Variants in LINGO2 observed in about 807,000 individuals in gnomAD.
LINGO2 encodes the protein leucine rich repeat and Ig domain containing 2.
Under a neutral mutation model 30.6 loss-of-function variants are expected in LINGO2, and 14 were observed. The observed-to-expected ratio is 0.46, with a 90% CI of 0.30 to 0.72. The LOEUF (loss-of-function observed/expected upper bound fraction) is 0.72. Among genes scored for constraint, LINGO2 ranks in the 30% least tolerant of loss-of-function variants. The pLI is 0.07. For missense variants in LINGO2, 729 were observed against 751.7 expected (o/e 0.97, Z 0.35); for synonymous variants, 317 against 288.5 (o/e 1.10, Z -1.00).
At chr9:28,737,194 C>T in the LINGO2 span, among the ~76,000 whole-genome samples, 2 of 152,164 alleles carry the variant, frequency 1.3e-5, no homozygotes, top group African/African-American at 2.4e-5. Context: ...GAGTGAAATA[C>T]TGCAAGATGC....
the LINGO2 span, among the ~76,000 whole-genome samples, chr9:28,798,872 C>T: frequency 6.6e-6 from 1 of 151,924 alleles, no homozygotes; most frequent in Non-Finnish European, 1.5e-5. Flanking sequence ...AATAAGGACA[C>T]ATATGTGAGA....
intron 4 of LINGO2, among the ~76,000 whole-genome samples, chr9:28,042,803 C>T (rs1824254681): frequency 6.6e-6 from 1 of 152,114 alleles, no homozygotes; most frequent in African/African-American, 2.4e-5. Flanking sequence ...CTATTTTCTT[C>T]CTTCTTCCCT....
the LINGO2 span, among the ~76,000 whole-genome samples, chr9:29,055,334 C>T: frequency 6.6e-6 from 1 of 152,074 alleles, no homozygotes; most frequent in Non-Finnish European, 1.5e-5. Flanking sequence ...AGAAAAATGA[C>T]TTAGTTTGTC....
chr9:29,070,578 T>C, the LINGO2 span, among the ~76,000 whole-genome samples: 2 of 152,052 alleles, frequency 1.3e-5, no homozygotes, highest in Non-Finnish European at 2.9e-5. Context: ...TGGTGGAAAG[T>C]GCTACAGACC....
At chr9:28,609,988 A>G (rs1021669125) in intron 1 of LINGO2, among the ~76,000 whole-genome samples, 4 of 152,164 alleles carry the variant, frequency 2.6e-5, no homozygotes, top group Admixed American at 6.5e-5. Flanking sequence ...AGCAAAATGC[A>G]GAATAACATA....
At chr9:29,210,213 A>G in the LINGO2 span, among the ~76,000 whole-genome samples, 8 of 152,162 alleles carry the variant, frequency 5.3e-5, no homozygotes, top group African/African-American at 1.9e-4. Flanking sequence ...TTAGAGAGGA[A>G]AGCATCTTTA....
Position 28,295,310 on chromosome 9 carries a change from C to T in LINGO2, c.-189G>A, listed in dbSNP as rs1587408917. 2 of 152,580 alleles carry T rather than the reference C, an allele frequency of 1.3e-5. No homozygotes were observed. Among genetic ancestry groups the T allele is most frequent in the African/African-American group, 2.4e-5 (1 of 41,426 alleles). The allele number at this position is 152,580 out of a possible 1,614,324, so 9.5% of individuals were successfully genotyped here. On this transcript the variant is annotated 5_prime_UTR_variant, in exon 4 of 6. It removes an upstream start codon present in the reference 5' UTR. Transcript: ENST00000379992. ...GGGTAGTTGATCATGATAATTCCCG[C>T]ATGTCATGGGCAGCAGCATCTCTCA...
intron 4 of LINGO2, among the ~76,000 whole-genome samples, chr9:28,258,049 T>C (rs971326728): frequency 8.6e-5 from 13 of 151,980 alleles, no homozygotes; most frequent in Non-Finnish European, 1.3e-4. Context: ...TTGTCCTCTA[T>C]TTACTTGGAA....
chr9:27,947,315 G>A (rs926063111), downstream of LINGO2, among the ~76,000 whole-genome samples: 2 of 151,986 alleles, frequency 1.3e-5, no homozygotes, highest in Non-Finnish European at 2.9e-5. Flanking sequence ...TTAAAAACTG[G>A]GATGTTTAAC....
the LINGO2 span, among the ~76,000 whole-genome samples, chr9:29,079,085 G>A: frequency 6.6e-6 from 1 of 151,794 alleles, no homozygotes; most frequent in South Asian, 2.1e-4. Flanking sequence ...TAATAAACCA[G>A]TACATGATTC....
At chr9:28,094,780 T>C (rs1826196970) in intron 4 of LINGO2, among the ~76,000 whole-genome samples, 1 of 151,436 alleles carries the variant, frequency 6.6e-6, no homozygotes, top group African/African-American at 2.4e-5. Flanking sequence ...GACTCCTCTG[T>C]ACCATACTTT....
At chr9:28,598,784 T>C (rs1825329808) in intron 1 of LINGO2, 1 of 152,228 alleles carries the variant, frequency 6.6e-6, no homozygotes, top group African/African-American at 2.4e-5. Context: ...TTCTCTCTTT[T>C]AAAATCCAGG....
chr9:28,482,328 A>G (rs1826004497), intron 1 of LINGO2, among the ~76,000 whole-genome samples: 1 of 152,132 alleles, frequency 6.6e-6, no homozygotes, highest in African/African-American at 2.4e-5. Flanking sequence ...AACTGCTGTG[A>G]GATGGTATCT....
chr9:28,633,589 A>G (rs1827104181), intron 1 of LINGO2, among the ~76,000 whole-genome samples: 1 of 152,168 alleles, frequency 6.6e-6, no homozygotes, highest in Admixed American at 6.6e-5. Flanking sequence ...TAATAAGCAA[A>G]CAAACAAACA....
chr9:28,044,301 TATTTTAAATGGTATAC>T (rs1328067745), intron 4 of LINGO2, among the ~76,000 whole-genome samples: 1 of 152,240 alleles, frequency 6.6e-6, no homozygotes, highest in African/African-American at 2.4e-5. Flanking sequence ...CATAAATGGG[TATTTTAAATGGTATAC>T]ATGTTAAAAT....
chr9:28,914,445 A>G, the LINGO2 span, among the ~76,000 whole-genome samples: 29 of 152,324 alleles, frequency 1.9e-4, no homozygotes, highest in South Asian at 5.8e-3. Flanking sequence ...GGATATTTAG[A>G]CCATTTTCTT....
chr9:28,687,182 G>T, the LINGO2 span, among the ~76,000 whole-genome samples: 2 of 152,154 alleles, frequency 1.3e-5, no homozygotes, highest in East Asian at 3.9e-4. Context: ...CAGACAACAC[G>T]TCATCTCCTA....
At chr9:28,511,801 T>C (rs1587783358) in intron 1 of LINGO2, among the ~76,000 whole-genome samples, 1 of 152,180 alleles carries the variant, frequency 6.6e-6, no homozygotes, top group Non-Finnish European at 1.5e-5. Context: ...CCATGCAAAG[T>C]GCACAGCCAG....
intron 4 of LINGO2, among the ~76,000 whole-genome samples, chr9:28,189,657 AAGGAAGGAAGGGAGGAAGGAAGGAAGGG>A (rs1819731050): frequency 3.2e-5 from 1 of 30,916 alleles, no homozygotes. Context: ...GGGAGGAAGG[AAGGAAGGAAGGGAGGAAGGAAGGAAGGG>A]AGGAAGGAAG....
Sources: gnomAD v4.1 joint callset for allele counts (sites outside exome capture counted in the v4.1 genomes callset) on GRCh38, gnomAD v4.1.1 for gene constraint, MANE v1.5 for transcripts, NCBI Gene and HGNC (gene_info 2026-07-23, HGNC 2026-07-21) for gene names.